Variants in FOXP1 observed in about 807,000 individuals in gnomAD.
FOXP1 encodes the protein forkhead box P1, also known as forkhead box protein P1.
In FOXP1, 15 loss-of-function variants were observed where a neutral mutation model predicts 98.2. The observed-to-expected ratio is 0.15, with a 90% confidence interval of 0.10 to 0.24. The LOEUF is 0.24. Ranked by LOEUF, FOXP1 falls within the 10% of genes least tolerant of loss-of-function variation. The probability of loss-of-function intolerance (pLI) is 1.00; values close to 1 mark genes in which losing one functional copy is unlikely to be tolerated. For missense variants in FOXP1, 633 were observed against 848.5 expected, an observed-to-expected ratio of 0.75 and a Z score of 3.15; for synonymous variants, 371 against 314.5, an observed-to-expected ratio of 1.18 and a Z score of -1.90.
At chr3:71,405,931 T>A (rs182265477) in intron 3 of FOXP1, among the ~76,000 whole-genome samples, 1 of 152,056 alleles carries the variant, frequency 6.6e-6, no homozygotes, top group African/African-American at 2.4e-5. Flanking sequence ...GGTTTCACCA[T>A]GTTGGGCAGG....
intron 5 of FOXP1, among the ~76,000 whole-genome samples, chr3:71,287,593 A>G (rs2072289618): frequency 1.3e-5 from 2 of 152,056 alleles, no homozygotes; most frequent in Admixed American, 6.5e-5. Context: ...CAGCCTGACA[A>G]ACATGGCGAA....
chr3:71,541,687 A>T (rs975564088), intron 2 of FOXP1, among the ~76,000 whole-genome samples: 1 of 146,718 alleles, frequency 6.8e-6, no homozygotes, highest in Admixed American at 6.8e-5. Context: ...CGAGAGCATT[A>T]AAAAAAAAAA....
chr3:71,346,313 A>G (rs1486628533), intron 4 of FOXP1, among the ~76,000 whole-genome samples: 1 of 152,194 alleles, frequency 6.6e-6, no homozygotes, highest in Middle Eastern at 3.2e-3. Context: ...GAGCCATGAT[A>G]TATAAAGTAA....
chr3:71,530,295 C>G (rs2043733313), intron 2 of FOXP1, among the ~76,000 whole-genome samples: 1 of 152,160 alleles, frequency 6.6e-6, no homozygotes, highest in Non-Finnish European at 1.5e-5. Context: ...GGGATTGCTA[C>G]AGAAGCAAGC....
chr3:71,412,729 T>C (rs2082849652), intron 3 of FOXP1, among the ~76,000 whole-genome samples: 1 of 152,164 alleles, frequency 6.6e-6, no homozygotes, highest in African/African-American at 2.4e-5. Context: ...TCACATCTTG[T>C]GAACTCCACC....
At chr3:71,555,367 G>T (rs2046051476) in intron 2 of FOXP1, among the ~76,000 whole-genome samples, 1 of 152,164 alleles carries the variant, frequency 6.6e-6, no homozygotes, top group African/African-American at 2.4e-5. Context: ...TAGGAGAAAA[G>T]GGATTGCTGG....
At chr3:71,207,378 G>A (rs1222675888) in intron 5 of FOXP1, among the ~76,000 whole-genome samples, 3 of 151,806 alleles carry the variant, frequency 2.0e-5, no homozygotes, top group African/African-American at 7.3e-5. Flanking sequence ...GCCCCTCACC[G>A]CTCTAGTGGC....
intron 6 of FOXP1, among the ~76,000 whole-genome samples, chr3:71,182,007 C>T (rs2108285203): frequency 6.8e-6 from 1 of 148,066 alleles, no homozygotes; most frequent in Admixed American, 6.8e-5. Context: ...TGCACTCCAG[C>T]CTGGGTGACA....
chr3:70,992,596 GGT>G (rs1433351378), intron 13 of FOXP1, among the ~76,000 whole-genome samples: 2 of 152,070 alleles, frequency 1.3e-5, no homozygotes, highest in Non-Finnish European at 2.9e-5. Context: ...GCATTCAGGT[GGT>G]GGGCAATATA....
chr3:71,244,486 A>C (rs2067551565), intron 5 of FOXP1, among the ~76,000 whole-genome samples: 1 of 138,560 alleles, frequency 7.2e-6, no homozygotes, highest in African/African-American at 2.8e-5. Flanking sequence ...GGAAAAGATC[A>C]GGAGAGTTGA....
At chr3:71,093,848 T>C (rs1021166966) in intron 7 of FOXP1, among the ~76,000 whole-genome samples, 1 of 152,076 alleles carries the variant, frequency 6.6e-6, no homozygotes, top group Non-Finnish European at 1.5e-5. Context: ...AAAATGAGAC[T>C]TAGATATTGT....
At chr3:71,522,407 T>A (rs2043059254) in intron 2 of FOXP1, among the ~76,000 whole-genome samples, 1 of 152,180 alleles carries the variant, frequency 6.6e-6, no homozygotes, top group South Asian at 2.1e-4. Flanking sequence ...TTGGGGCACT[T>A]AATAAGTCAG....
At chr3:71,228,982 G>A (rs1185704285) in intron 5 of FOXP1, among the ~76,000 whole-genome samples, 1 of 4,576 alleles carries the variant, frequency 2.2e-4, no homozygotes, top group East Asian at 0.016. Flanking sequence ...TTTTTTTTTT[G>A]ATGTCTCATT....
At chr3:71,479,254 T>C (rs915355399) in intron 3 of FOXP1, among the ~76,000 whole-genome samples, 13 of 152,246 alleles carry the variant, frequency 8.5e-5, no homozygotes, top group Admixed American at 7.2e-4. Flanking sequence ...TATTCCAGCA[T>C]ACTAAAGTTT....
chr3:71,257,685 G>A (rs1192631182), intron 5 of FOXP1, among the ~76,000 whole-genome samples: 1 of 152,152 alleles, frequency 6.6e-6, no homozygotes, highest in Non-Finnish European at 1.5e-5. Context: ...AGCCACGGGA[G>A]TATTTCTTAA....
At chr3:71,223,693 CAA>C (rs34686001) in intron 5 of FOXP1, among the ~76,000 whole-genome samples, 1,424 of 90,076 alleles carry the variant, frequency 0.016, 38 homozygotes, top group African/African-American at 0.046. Context: ...GACTACGTCT[CAA>C]AAAAAAAAAA....
intron 3 of FOXP1, among the ~76,000 whole-genome samples, chr3:71,397,330 C>T (rs1391374354): frequency 2.0e-5 from 3 of 151,916 alleles, no homozygotes; most frequent in Non-Finnish European, 4.4e-5. Flanking sequence ...AAAGAGCCAT[C>T]TGAACTGCTC....
At chr3:71,469,484 C>A (rs924859547) in intron 3 of FOXP1, among the ~76,000 whole-genome samples, 2 of 152,150 alleles carry the variant, frequency 1.3e-5, no homozygotes, top group African/African-American at 2.4e-5. Flanking sequence ...CAAACAGTTG[C>A]AAAATTGTTT....
intron 5 of FOXP1, among the ~76,000 whole-genome samples, chr3:71,225,533 A>G (rs2065765808): frequency 3.1e-5 from 1 of 31,800 alleles, no homozygotes; most frequent in Admixed American, 3.8e-4. Flanking sequence ...AAAATTTCTG[A>G]GCTGTCATAA....
Sources: allele counts gnomAD v4.1 joint callset (sites outside exome capture counted in the v4.1 genomes callset), GRCh38; gene constraint gnomAD v4.1.1; transcripts MANE v1.5; gene names NCBI Gene and HGNC (gene_info 2026-07-23, HGNC 2026-07-21).